CUL3: variants seen among roughly 807,000 people sequenced by gnomAD.
The protein encoded by CUL3 is cullin 3.
A neutral mutation model predicts 89.1 loss-of-function variants in CUL3; 19 were observed. The observed-to-expected ratio is 0.21, with a 90% confidence interval of 0.15 to 0.31. The LOEUF (loss-of-function observed/expected upper bound fraction) is 0.31. Ranked by LOEUF, CUL3 falls within the 10% of genes least tolerant of loss-of-function variation. The pLI is 1.00. For synonymous variants in CUL3, 351 were observed against 308.4 expected (o/e 1.14, Z -1.45); for missense variants, 469 against 942.3 (o/e 0.50, Z 6.58).
intron 15 of CUL3, among the ~76,000 whole-genome samples, chr2:224,475,103 C>A (rs1319838713): frequency 1.3e-5 from 2 of 152,118 alleles, no homozygotes; most frequent in African/African-American, 4.8e-5. Context: ...CTGCAAGCTC[C>A]GCCTCCCAGG....
intron 11 of CUL3, 59 bp downstream of exon 11, chr2:224,500,304 C>G: frequency 2.6e-6 from 4 of 1,567,684 alleles, no homozygotes. Context: ...TGTTCAAATT[C>G]ATTTTTAATT....
At chr2:224,488,763 G>T (rs898613809) in intron 13 of CUL3, among the ~76,000 whole-genome samples, 3 of 152,168 alleles carry the variant, frequency 2.0e-5, no homozygotes, top group Non-Finnish European at 4.4e-5. Context: ...CTCATTTTAT[G>T]AGGCCAGCAT....
intron 13 of CUL3, among the ~76,000 whole-genome samples, chr2:224,490,894 AC>A (rs996609864): frequency 6.6e-6 from 1 of 152,096 alleles, no homozygotes; most frequent in Non-Finnish European, 1.5e-5. Flanking sequence ...TAAGATGGAT[AC>A]CCCATTTACC....
chr2:224,561,810 C>T (rs4674923), intron 1 of CUL3, among the ~76,000 whole-genome samples: 74,258 of 152,024 alleles, frequency 0.49, 18,300 homozygotes, highest in East Asian at 0.59. Context: ...ACCATAGCTA[C>T]GTACGTGCAA....
intron 3 of CUL3, among the ~76,000 whole-genome samples, chr2:224,516,109 A>G (rs1693031993): frequency 6.6e-6 from 1 of 152,098 alleles, no homozygotes; most frequent in Admixed American, 6.6e-5. Flanking sequence ...AAGGAAAGCT[A>G]TTTTTTATAT....
intron 2 of CUL3, among the ~76,000 whole-genome samples, chr2:224,549,729 G>A (rs971822291): frequency 2.6e-5 from 4 of 152,008 alleles, no homozygotes; most frequent in African/African-American, 9.7e-5. Context: ...TCCCAAATAG[G>A]AACCTTATGA....
intron 3 of CUL3, among the ~76,000 whole-genome samples, chr2:224,515,639 A>G (rs1420776775): frequency 6.6e-6 from 1 of 152,204 alleles, no homozygotes; most frequent in Admixed American, 6.5e-5. Flanking sequence ...GTGAACATGA[A>G]CAGAGCTCTA....
intron 13 of CUL3, among the ~76,000 whole-genome samples, chr2:224,487,273 C>A (rs886593369): frequency 1.7e-4 from 26 of 152,014 alleles, no homozygotes; most frequent in African/African-American, 6.3e-4. Flanking sequence ...AACAATATTA[C>A]CTTAAACGTA....
chr2:224,526,684 A>G (rs1221926588), intron 3 of CUL3, among the ~76,000 whole-genome samples: 1 of 151,886 alleles, frequency 6.6e-6, no homozygotes, highest in Non-Finnish European at 1.5e-5. Flanking sequence ...GTAAACACTG[A>G]ATACTTGCCT....
intron 10 of CUL3, among the ~76,000 whole-genome samples, chr2:224,502,430 T>C (rs1043622265): frequency 5.3e-5 from 8 of 152,202 alleles, no homozygotes; most frequent in Non-Finnish European, 1.0e-4. Flanking sequence ...CTCACCACCT[T>C]TGGGGAGTTA....
intron 1 of CUL3, among the ~76,000 whole-genome samples, chr2:224,575,913 C>T (rs566787573): frequency 2.0e-4 from 30 of 152,254 alleles, no homozygotes; most frequent in African/African-American, 6.0e-4. Context: ...CAGCAACACA[C>T]AATAAACGTA....
At chr2:224,552,957 C>T (rs4674922) in intron 2 of CUL3, among the ~76,000 whole-genome samples, 1,608 of 152,220 alleles carry the variant, frequency 0.011, 30 homozygotes, top group African/African-American at 0.037. Context: ...ACCTTCTAGT[C>T]AAAAGATGCA....
intron 15 of CUL3, among the ~76,000 whole-genome samples, chr2:224,474,872 T>C (rs1455053901): frequency 6.6e-6 from 1 of 152,210 alleles, no homozygotes; most frequent in South Asian, 2.1e-4. Flanking sequence ...TGCCCAATCA[T>C]AGTAAGTGCT....
intron 2 of CUL3, among the ~76,000 whole-genome samples, chr2:224,550,759 CA>C (rs1461826966): frequency 1.3e-5 from 2 of 152,214 alleles, no homozygotes; most frequent in Non-Finnish European, 2.9e-5. Context: ...ACTGTCACTA[CA>C]CTAGTGTAAA....
chr2:224,558,768 C>T (rs1438028145), intron 1 of CUL3, among the ~76,000 whole-genome samples: 1 of 152,170 alleles, frequency 6.6e-6, no homozygotes, highest in Admixed American at 6.5e-5. Context: ...CTTGGCTGGG[C>T]GCAGTGGCTC....
In CUL3 at chr2:224,475,915, C is replaced by T. The variant is rs145960548; in HGVS notation, c.2176-1539G>A. On this transcript the variant is annotated intron_variant, in intron 15 of 15. Transcript: ENST00000264414. ...TGAGTAAAGATGTAGTTGTTAACAC[C>T]GTATGTGTACACCAGGAGTCAGCAA... Among the ~76,000 whole-genome samples, 1,480 of 152,268 alleles carry T rather than the reference C, an allele frequency of 9.7e-3. 11 individuals carry two copies. Among genetic ancestry groups the T allele is most frequent in the Middle Eastern group, 0.02 (6 of 294 alleles).
At chr2:224,504,851 T>C (rs910691709) in intron 8 of CUL3, among the ~76,000 whole-genome samples, 2 of 152,204 alleles carry the variant, frequency 1.3e-5, no homozygotes, top group African/African-American at 4.8e-5. Context: ...GCATGTTTTA[T>C]GCTTCAGTTG....
chr2:224,564,312 C>A lies in CUL3; in HGVS notation c.67-6456G>T, dbSNP rs1242730884. ...AAGAAAAGAACACATCTTCTTCTAT[C>A]CACGAAACTGTGGAGAAGGAAAAAG... On this transcript the variant is annotated intron_variant, in intron 1 of 15. Transcript: ENST00000264414. Among the ~76,000 whole-genome samples the A allele has an allele frequency of 2.6e-5, 4 of 152,264 alleles. No individual in the cohort carries two copies. The East Asian group carries it at 5.8e-4, about 22-fold the overall frequency.
intron 2 of CUL3, among the ~76,000 whole-genome samples, chr2:224,551,088 G>A (rs1428750101): frequency 4.8e-5 from 7 of 144,728 alleles, no homozygotes; most frequent in East Asian, 2.0e-4. Flanking sequence ...TTTTTTAATC[G>A]CTCTGTTGCC....
Sources: allele counts gnomAD v4.1 joint callset (sites outside exome capture counted in the v4.1 genomes callset), GRCh38; gene constraint gnomAD v4.1.1; transcripts MANE v1.5; gene names NCBI Gene and HGNC (gene_info 2026-07-23, HGNC 2026-07-21).